LAMA3: variants seen among roughly 807,000 people sequenced by gnomAD.
LAMA3 encodes the protein laminin subunit alpha-3.
A neutral mutation model predicts 402.0 loss-of-function variants in LAMA3; 281 were observed. The ratio of observed to expected loss-of-function variants is 0.70; its 90% CI spans 0.63 to 0.77. The LOEUF (loss-of-function observed/expected upper bound fraction) is 0.77. Among genes scored for constraint, LAMA3 ranks in the 30% least tolerant of loss-of-function variants. The pLI, the probability that LAMA3 is intolerant of heterozygous loss-of-function variation, is 0.00. For synonymous variants in LAMA3, 1,431 were observed against 1,558.4 expected, an observed-to-expected ratio of 0.92 and a Z score of 1.93; for missense variants, 3,840 against 4,215.5, an observed-to-expected ratio of 0.91 and a Z score of 2.47.
intron 18 of LAMA3, among the ~76,000 whole-genome samples, chr18:23,818,745 G>T (rs1298853660): frequency 6.6e-6 from 1 of 151,978 alleles, no homozygotes; most frequent in Non-Finnish European, 1.5e-5. Context: ...TCTAGACCTT[G>T]TCTATGAATT....
chr18:23,939,488 T>C, intron 68 of LAMA3, 102 bp downstream of exon 68: 1 of 1,252,964 alleles, frequency 8.0e-7, no homozygotes, highest in Non-Finnish European at 1.2e-6. Flanking sequence ...CTCTCTCTAA[T>C]GAAGGTGGCA....
In LAMA3 at chr18:23,698,423, T is replaced by C. The variant is rs538626576; in HGVS notation, c.294+8446T>C. On this transcript the variant is annotated intron_variant, in intron 1 of 74. Transcript: ENST00000313654. Reference sequence around the variant, plus strand: ...GGTTTCACCGTGTTAGACAGGATGGTCTCAATCTCCTGATTTTGTGATCCG... The same window carrying C: ...GGTTTCACCGTGTTAGACAGGATGGCCTCAATCTCCTGATTTTGTGATCCG... 3.0e-3 allele frequency among the ~76,000 whole-genome samples: 457 copies of C among 152,188 alleles called. 7 individuals carry two copies. Among genetic ancestry groups the C allele is most frequent in the South Asian group, 0.019 (93 of 4,820 alleles).
At chr18:23,801,367 A>T (rs1162466222) in intron 12 of LAMA3, among the ~76,000 whole-genome samples, 8 of 152,126 alleles carry the variant, frequency 5.3e-5, no homozygotes, top group African/African-American at 1.7e-4. Context: ...TACCTGGGCG[A>T]TTTTTTGGTT....
intron 1 of LAMA3, among the ~76,000 whole-genome samples, chr18:23,700,341 G>T (rs1290305113): frequency 1.3e-5 from 2 of 152,152 alleles, no homozygotes; most frequent in Non-Finnish European, 2.9e-5. Context: ...TAGGGAACAG[G>T]AAAATAGCGA....
Position 23,816,403 on chromosome 18 carries a change from T to C in LAMA3, c.2063T>C (p.Ile688Thr). ...TGGCTTTCAGGGTGTCAGTGTGACATTGGTGGGGCATTGTCCTCCATGTGC... is the reference window on the plus strand; with the variant it reads ...TGGCTTTCAGGGTGTCAGTGTGACACTGGTGGGGCATTGTCCTCCATGTGC... Reference protein sequence around the residue: ...YFGCQGCQCDIGGALSSMCSG... With the variant: ...YFGCQGCQCDTGGALSSMCSG... The change falls in exon 18 of 75, where the codon ATT becomes ACT. Residue 688 changes from isoleucine to threonine, a missense_variant. Physicochemically the swap from Ile to Thr is moderately conservative, Grantham distance 89. Transcript: ENST00000313654. 1 of 1,613,922 alleles carries C rather than the reference T, an allele frequency of 6.2e-7. No individual in the cohort carries two copies. The highest frequency in any genetic ancestry group is 8.5e-7 in the Non-Finnish European group (1 of 1,179,876).
chr18:23,836,129 A>G (rs1483829745), intron 24 of LAMA3, among the ~76,000 whole-genome samples: 1 of 152,112 alleles, frequency 6.6e-6, no homozygotes, highest in Non-Finnish European at 1.5e-5. Context: ...ACACACACAC[A>G]CACACACACA....
chr18:23,767,574 TTTTC>T (rs1055993889), intron 8 of LAMA3, among the ~76,000 whole-genome samples: 3 of 90,834 alleles, frequency 3.3e-5, no homozygotes, highest in Admixed American at 1.4e-4. Flanking sequence ...TTTTTCTTTC[TTTTC>T]TTTTTTTTTT....
intron 1 of LAMA3, 147 bp from the exon 2 acceptor site, chr18:23,713,773 C>T: frequency 1.5e-6 from 1 of 686,440 alleles, no homozygotes; most frequent in Non-Finnish European, 2.5e-6. Context: ...GAATACATTC[C>T]AGTGAATTTT....
At chr18:23,894,379 C>T (rs755061291) in intron 43 of LAMA3, 31 bp downstream of exon 43, 20 of 1,590,652 alleles carry the variant, frequency 1.3e-5, no homozygotes, top group South Asian at 1.1e-5. Flanking sequence ...CTCCTCCTTT[C>T]CAAGTTGTGG....
intron 8 of LAMA3, among the ~76,000 whole-genome samples, chr18:23,765,750 T>C (rs1385864003): frequency 6.6e-6 from 1 of 151,960 alleles, no homozygotes; most frequent in East Asian, 1.9e-4. Flanking sequence ...TAAATATCAG[T>C]AGGGAAATAA....
At chr18:23,700,730 C>G (rs2060777014) in intron 1 of LAMA3, among the ~76,000 whole-genome samples, 1 of 152,058 alleles carries the variant, frequency 6.6e-6, no homozygotes, top group Non-Finnish European at 1.5e-5. Context: ...CACAATCTCA[C>G]TCTGTCGCCT....
intron 7 of LAMA3, among the ~76,000 whole-genome samples, chr18:23,759,012 C>A (rs1433688984): frequency 1.3e-5 from 2 of 151,160 alleles, no homozygotes; most frequent in Non-Finnish European, 1.5e-5. Context: ...TGGGAAACTG[C>A]TTTTAAGAGT....
chr18:23,829,369 G>A (rs1189285164), intron 23 of LAMA3, among the ~76,000 whole-genome samples: 1 of 152,048 alleles, frequency 6.6e-6, no homozygotes, highest in East Asian at 1.9e-4. Flanking sequence ...TTGTTTACAG[G>A]CATATTGGCT....
At chr18:23,832,627 A>G (rs1207511819) in intron 23 of LAMA3, among the ~76,000 whole-genome samples, 1 of 152,218 alleles carries the variant, frequency 6.6e-6, no homozygotes, top group Admixed American at 6.5e-5. Context: ...ACTTCTAGGA[A>G]TCTTACAGAA....
At chr18:23,758,340 A>G in intron 6 of LAMA3, 56 bp from the exon 7 acceptor site, 2 of 1,297,106 alleles carry the variant, frequency 1.5e-6, no homozygotes, top group Non-Finnish European at 2.2e-6. Flanking sequence ...TATAGGATCA[A>G]CTGATCCTCA....
chr18:23,847,440 G>T, intron 31 of LAMA3, 24 bp from the exon 32 acceptor site: 1 of 1,606,204 alleles, frequency 6.2e-7, no homozygotes, highest in South Asian at 1.1e-5. Flanking sequence ...ACCCTCACAT[G>T]GTATTTCTTT....
intron 32 of LAMA3, among the ~76,000 whole-genome samples, chr18:23,849,428 A>C (rs991114292): frequency 4.6e-5 from 7 of 152,214 alleles, no homozygotes; most frequent in Non-Finnish European, 8.8e-5. Flanking sequence ...ACCAAGGGGG[A>C]GATGGAGAAT....
At chr18:23,914,034 T>C (rs906705128) in intron 56 of LAMA3, among the ~76,000 whole-genome samples, 2 of 152,200 alleles carry the variant, frequency 1.3e-5, no homozygotes, top group African/African-American at 4.8e-5. Context: ...AACAGAGGCA[T>C]GCACAAAGTG....
At chr18:23,715,589 G>T (rs1329230886) in intron 2 of LAMA3, among the ~76,000 whole-genome samples, 1 of 152,218 alleles carries the variant, frequency 6.6e-6, no homozygotes, top group South Asian at 2.1e-4. Context: ...GAAAAGCCAG[G>T]TAAAGAGATT....
Sources: allele counts gnomAD v4.1 joint callset (sites outside exome capture counted in the v4.1 genomes callset), GRCh38; gene constraint gnomAD v4.1.1; transcripts MANE v1.5; gene names NCBI Gene and HGNC (gene_info 2026-07-23, HGNC 2026-07-21).